Variants in CCT5 observed in about 807,000 individuals in gnomAD.
CCT5 encodes the protein chaperonin containing TCP1 subunit 5.
CCT5 carries 6 observed loss-of-function variants against 55.0 expected under a neutral mutation model. That is an observed-to-expected ratio of 0.11 (90% CI 0.06 to 0.22). The LOEUF is 0.22. Among genes scored for constraint, CCT5 ranks in the 10% least tolerant of loss-of-function variants. The pLI, the probability that CCT5 is intolerant of heterozygous loss-of-function variation, is 1.00. For missense variants in CCT5, 560 were observed against 694.6 expected, an observed-to-expected ratio of 0.81 and a Z score of 2.18; for synonymous variants, 231 against 243.7, an observed-to-expected ratio of 0.95 and a Z score of 0.49.
intron 1 of CCT5, chr5:10,250,661 T>G (rs1561041628): frequency 8.5e-6 from 12 of 1,411,148 alleles, no homozygotes; most frequent in Non-Finnish European, 1.0e-5. Context: ...CCAGCCAGGC[T>G]GGGCCGCCAG....
chr5:10,264,295 T>C (rs1490937388), intron 10 of CCT5, among the ~76,000 whole-genome samples: 1 of 152,184 alleles, frequency 6.6e-6, no homozygotes, highest in African/African-American at 2.4e-5. Flanking sequence ...TCTAGATCTT[T>C]CTTGGAAATA....
In CCT5 at chr5:10,255,960, G is replaced by C; in HGVS notation, c.337G>C (p.Ala113Pro). The change falls in exon 4 of 11, where the codon GCT becomes CCT. Residue 113 changes from alanine (A) to proline (P), a missense_variant. Physicochemically the swap from Ala to Pro is conservative, Grantham distance 27. Transcript: ENST00000280326. ...GDGTTGVVVLAGALLEEAEQL... is the reference protein window; with the variant it reads ...GDGTTGVVVLPGALLEEAEQL... The stretch of plus-strand genomic sequence containing the variant: ...GTCTGCTGGCTTATTTGCAGTCCTG[G>C]CTGGTGCCTTGTTAGAAGAAGCGGA... 6.2e-7 allele frequency: 1 copy of C among 1,614,124 alleles called. No individual in the cohort carries two copies. The highest frequency in any genetic ancestry group is 8.5e-7 in the Non-Finnish European group (1 of 1,179,982).
chr5:10,254,571 A>G lies in CCT5; in HGVS notation c.167-103A>G, dbSNP rs911930023. On this transcript the variant is annotated intron_variant, in intron 2 of 10. Coordinates refer to ENST00000280326, the MANE Select transcript of CCT5 (RefSeq NM_012073.5). The stretch of plus-strand genomic sequence containing the variant: ...TGTGTATGTTGCATTATTTGTATAT[A>G]ATAAATTGCACAGATAAGAGCTGGG... 4 of 988,764 alleles carry G rather than the reference A, an allele frequency of 4.0e-6. No homozygotes were observed. The Admixed American group carries it at 5.2e-5, about 13-fold the overall frequency. 61.2% of individuals were successfully genotyped at this position (988,764 alleles called of 1,614,324 possible). A position where few individuals can be genotyped will look rare whatever the true frequency, so the allele number is the denominator to read the frequency against.
intron 1 of CCT5, 52 bp downstream of exon 1, chr5:10,250,497 C>T (rs750832569): frequency 2.5e-6 from 4 of 1,603,250 alleles, no homozygotes; most frequent in Non-Finnish European, 1.7e-6. Context: ...TGGCCGAGGC[C>T]GTGGCTCTGC....
At chr5:10,250,588 G>A (rs1745335152) in intron 1 of CCT5, 143 bp downstream of exon 1, 3 of 1,478,590 alleles carry the variant, frequency 2.0e-6, no homozygotes, top group South Asian at 2.7e-5. Context: ...GTCTCCGGCC[G>A]CTCAGCCCGC....
upstream of CCT5, chr5:10,250,061 A>C (rs2126486202): frequency 1.3e-6 from 2 of 1,540,456 alleles, no homozygotes; most frequent in African/African-American, 1.4e-5. Flanking sequence ...GTTTTAAAAA[A>C]TGACAAATTC....
intron 4 of CCT5, among the ~76,000 whole-genome samples, chr5:10,257,265 C>T (rs891557671): frequency 1.5e-4 from 23 of 152,236 alleles, no homozygotes; most frequent in African/African-American, 5.3e-4. Context: ...CCACAGATCT[C>T]AGCAGAGACT....
intron 1 of CCT5, among the ~76,000 whole-genome samples, chr5:10,251,278 A>AG (rs1185135955): frequency 6.6e-6 from 1 of 152,202 alleles, no homozygotes. Context: ...GGAGCCATTG[A>AG]GGGGGTTTTG....
chr5:10,257,022 G>A (rs1010216381), intron 4 of CCT5, among the ~76,000 whole-genome samples: 4 of 152,176 alleles, frequency 2.6e-5, no homozygotes, highest in South Asian at 2.1e-4. Context: ...GTCTGTTGCC[G>A]TAATATAACA....
Position 10,256,119 on chromosome 5 carries a change from A to G in CCT5, c.496A>G (p.Ile166Val), listed in dbSNP as rs1367302402. Reference sequence around the variant, plus strand: ...TGACATAAAGGACACCGAACCCCTGATTCAGACAGCAAAAACCACGCTGGG... The same window carrying G: ...TGACATAAAGGACACCGAACCCCTGGTTCAGACAGCAAAAACCACGCTGGG... Reference protein sequence around the residue: ...LVDIKDTEPLIQTAKTTLGSK... With the variant: ...LVDIKDTEPLVQTAKTTLGSK... The change falls in exon 4 of 11, where the codon ATT (isoleucine) becomes GTT (valine). Residue 166 changes from isoleucine to valine, a missense_variant. Physicochemically the swap from Ile to Val is conservative, Grantham distance 29. Coordinates refer to ENST00000280326, the MANE Select transcript of CCT5 (RefSeq NM_012073.5). 6.2e-7 allele frequency: 1 copy of G among 1,613,860 alleles called. No individual in the cohort carries two copies. The highest frequency in any genetic ancestry group is 1.1e-5 in the South Asian group (1 of 91,060).
At chr5:10,255,698 A>G (rs918791051) in intron 3 of CCT5, among the ~76,000 whole-genome samples, 4 of 152,172 alleles carry the variant, frequency 2.6e-5, no homozygotes, top group Non-Finnish European at 5.9e-5. Flanking sequence ...TTCTTTTTAC[A>G]TTATATTCTT....
intron 4 of CCT5, 192 bp from the exon 5 acceptor site, chr5:10,257,919 C>T (rs1745763004): frequency 1.5e-6 from 1 of 648,454 alleles, no homozygotes; most frequent in African/African-American, 1.8e-5. Flanking sequence ...ATACAGTCCC[C>T]TTTAGGGCCC....
At chr5:10,257,989 C>A in intron 4 of CCT5, 122 bp from the exon 5 acceptor site, 1 of 1,012,068 alleles carries the variant, frequency 9.9e-7, no homozygotes, top group Non-Finnish European at 1.5e-6. Context: ...AGATGGCATT[C>A]CCCTCTAGAA....
chr5:10,261,605 G>C lies in CCT5; in HGVS notation c.1039G>C (p.Glu347Gln), dbSNP rs750191898. ...TGGRIVPRFS[E>Q]LTAEKLGFAG... ...AGGGCGGATCGTCCCCAGGTTCTCAGAGCTCACAGCCGAGAAGCTGGGCTT... is the reference window on the plus strand; with the variant it reads ...AGGGCGGATCGTCCCCAGGTTCTCACAGCTCACAGCCGAGAAGCTGGGCTT... Residue 347 changes from glutamate (E) to glutamine (Q), a missense_variant, in exon 8 of 11, where the codon GAG (glutamate) becomes CAG (glutamine). Around this residue, in one of 4 missense-constraint regions of CCT5, gnomAD observed 256 missense variants for 372.4 expected, o/e 0.69. Coordinates refer to ENST00000280326, the MANE Select transcript of CCT5 (RefSeq NM_012073.5). 8.7e-6 allele frequency: 14 copies of C among 1,614,180 alleles called. No homozygotes were observed. Among genetic ancestry groups the C allele is most frequent in the Middle Eastern group, 1.6e-4 (1 of 6,062 alleles).
chr5:10,254,037 T>C (rs1561044756), intron 1 of CCT5, 108 bp from the exon 2 acceptor site: 1 of 782,304 alleles, frequency 1.3e-6, no homozygotes, highest in Non-Finnish European at 2.3e-6. Context: ...TAGAAGCTTC[T>C]AGACAATAGA....
rs1423090034 is a variant in CCT5, at chr5:10,265,435, A to G, written c.*652A>G. Reference sequence around the variant, plus strand: ...CCAGCACAGGCTTAGGGCAGTTCAGAACCCACTTGTTTCCCTATCAGAGGG... The same window carrying G: ...CCAGCACAGGCTTAGGGCAGTTCAGGACCCACTTGTTTCCCTATCAGAGGG... On this transcript the variant is annotated 3_prime_UTR_variant, in exon 11 of 11. Transcript: ENST00000280326. 2 of 152,532 alleles carry G rather than the reference A, an allele frequency of 1.3e-5. No individual in the cohort carries two copies. The highest frequency in any genetic ancestry group is 4.8e-5 in the African/African-American group (2 of 41,464). 9.4% of individuals were successfully genotyped at this position (152,532 alleles called of 1,614,324 possible).
chr5:10,254,625 T>C (rs754112377), intron 2 of CCT5, 49 bp from the exon 3 acceptor site: 2 of 1,552,216 alleles, frequency 1.3e-6, no homozygotes, highest in African/African-American at 1.4e-5. Flanking sequence ...TAGTTTGTGA[T>C]ATTGGTTGCC....
At chr5:10,250,510 C>T (rs1003763746) in intron 1 of CCT5, 65 bp downstream of exon 1, 11 of 1,596,562 alleles carry the variant, frequency 6.9e-6, no homozygotes, top group Non-Finnish European at 8.5e-6. Flanking sequence ...GGCTCTGCGC[C>T]TGCGCGAGTT....
chr5:10,249,928 AAAAAAAC>A (rs1290835321), upstream of CCT5: 10,159 of 879,008 alleles, frequency 0.012, 718 homozygotes, highest in East Asian at 0.063. Context: ...AAAAAAAAAA[AAAAAAAC>A]CGGAAATGGG....
Sources: allele counts gnomAD v4.1 joint callset (sites outside exome capture counted in the v4.1 genomes callset), GRCh38; gene constraint gnomAD v4.1.1; regional missense constraint gnomAD v4.1.1; transcripts MANE v1.5; gene names NCBI Gene and HGNC (gene_info 2026-07-23, HGNC 2026-07-21).